NEBL: variants seen among roughly 807,000 people sequenced by gnomAD.
The protein encoded by NEBL is nebulette.
Under a neutral mutation model 140.2 loss-of-function variants are expected in NEBL, and 122 were observed. The ratio of observed to expected loss-of-function variants is 0.87; its 90% CI spans 0.75 to 1.01. NEBL has a LOEUF of 1.01. Ranked by LOEUF, NEBL falls within the 50% of genes least tolerant of loss-of-function variation. The pLI is 0.00. For missense variants in NEBL, 1,365 were observed against 1,231.3 expected, an observed-to-expected ratio of 1.11 and a Z score of -1.62; for synonymous variants, 436 against 398.9, an observed-to-expected ratio of 1.09 and a Z score of -1.11.
At chr10:21,169,837 A>G (rs1037943283) in intron 2 of NEBL, among the ~76,000 whole-genome samples, 1 of 152,240 alleles carries the variant, frequency 6.6e-6, no homozygotes, top group Non-Finnish European at 1.5e-5. Context: ...CTGGAATCAT[A>G]TGAGAAATTT....
At chr10:21,114,753 C>T (rs1249756385) in intron 2 of NEBL, among the ~76,000 whole-genome samples, 2 of 151,820 alleles carry the variant, frequency 1.3e-5, no homozygotes, top group African/African-American at 4.8e-5. Context: ...TATCTTTTTC[C>T]GTCCTTTAAC....
chr10:20,925,196 A>G (rs1203450505), intron 4 of NEBL, among the ~76,000 whole-genome samples: 2 of 152,188 alleles, frequency 1.3e-5, no homozygotes, highest in African/African-American at 2.4e-5. Flanking sequence ...ATATACATGC[A>G]TATATGCATG....
At chr10:20,941,743 C>T (rs1219717829) in intron 4 of NEBL, among the ~76,000 whole-genome samples, 2 of 152,110 alleles carry the variant, frequency 1.3e-5, no homozygotes, top group Non-Finnish European at 2.9e-5. Flanking sequence ...AGCAAAGTCT[C>T]AGGATACAAA....
intron 2 of NEBL, among the ~76,000 whole-genome samples, chr10:21,123,474 G>T (rs1026721741): frequency 6.6e-6 from 1 of 152,022 alleles, no homozygotes; most frequent in Non-Finnish European, 1.5e-5. Context: ...TCAGTAAAAA[G>T]CTCACTAAGT....
At chr10:21,160,467 C>A (rs1308026962) in intron 2 of NEBL, among the ~76,000 whole-genome samples, 3 of 152,212 alleles carry the variant, frequency 2.0e-5, no homozygotes, top group African/African-American at 7.2e-5. Flanking sequence ...TGAGGAAGAA[C>A]TGTTCTAATA....
intron 4 of NEBL, among the ~76,000 whole-genome samples, chr10:20,936,400 C>T (rs1384177376): frequency 6.6e-6 from 1 of 152,184 alleles, no homozygotes; most frequent in African/African-American, 2.4e-5. Flanking sequence ...GCCTAACAGG[C>T]TATTGCAAAT....
chr10:21,079,268 A>G (rs1836256924), intron 2 of NEBL, among the ~76,000 whole-genome samples: 1 of 152,216 alleles, frequency 6.6e-6, no homozygotes. Context: ...GAAAATGAGG[A>G]GGTGAAGAGG....
chr10:21,221,026 T>C (rs1410276235), intron 3 of NEBL, among the ~76,000 whole-genome samples: 1 of 152,070 alleles, frequency 6.6e-6, no homozygotes, highest in Non-Finnish European at 1.5e-5. Context: ...CGTAGTGGCA[T>C]GCACCTGGAG....
rs10764291 is a variant in NEBL, at chr10:20,918,619, C to A, written c.357+43053G>T. On this transcript the variant is annotated intron_variant, in intron 4 of 6. Coordinates refer to the NEBL transcript ENST00000417816. ...TAATCCCAGCACTTTGGGAGGCCGA[C>A]GGGGGCAGATCAAGGTCAGGAGATC... 3.3e-5 allele frequency among the ~76,000 whole-genome samples: 5 copies of A among 152,030 alleles called. No individual in the cohort carries two copies. The South Asian group carries it at 8.3e-4, about 25-fold the overall frequency.
intron 2 of NEBL, among the ~76,000 whole-genome samples, chr10:21,126,890 G>A (rs542256577): frequency 4.1e-4 from 61 of 149,770 alleles, no homozygotes; most frequent in East Asian, 2.2e-3. Flanking sequence ...CAGGGGAATC[G>A]CTTGAACCCA....
At chr10:20,920,366 G>A (rs1476590951) in intron 4 of NEBL, among the ~76,000 whole-genome samples, 1 of 152,182 alleles carries the variant, frequency 6.6e-6, no homozygotes, top group Non-Finnish European at 1.5e-5. Context: ...TACAATACTA[G>A]CAATAGCAAA....
intron 4 of NEBL, 127 bp downstream of exon 4, chr10:20,887,970 A>G: frequency 1.4e-6 from 1 of 724,868 alleles, no homozygotes; most frequent in South Asian, 1.5e-5. Flanking sequence ...CACATTAATC[A>G]GTTGCTTTCA....
intron 3 of NEBL, among the ~76,000 whole-genome samples, chr10:21,209,138 AG>A (rs1413947592): frequency 6.6e-6 from 1 of 152,142 alleles, no homozygotes; most frequent in Non-Finnish European, 1.5e-5. Context: ...CCCAAATTCC[AG>A]GCAGGGGAAA....
At chr10:20,989,867 A>G (rs1053375607) in intron 3 of NEBL, among the ~76,000 whole-genome samples, 9 of 152,202 alleles carry the variant, frequency 5.9e-5, no homozygotes, top group Admixed American at 5.9e-4. Context: ...AAGAGTCAGT[A>G]AATTCAAATG....
At chr10:21,269,465 ATCT>A (rs1842835639) in intron 1 of NEBL, among the ~76,000 whole-genome samples, 1 of 152,184 alleles carries the variant, frequency 6.6e-6, no homozygotes, top group African/African-American at 2.4e-5. Flanking sequence ...AGTTGCTTTT[ATCT>A]TCTTCGCACT....
Position 20,924,438 on chromosome 10 carries a change from A to AG in NEBL, c.357+37233dup, listed in dbSNP as rs1554807407. ...TAAAAAAAAAAAAAAAAAAAAAAAA[A>AG]GGCTACACCTTTCCTTTGCTTTGCA... On this transcript the variant is annotated intron_variant, in intron 4 of 6. Transcript: ENST00000417816. 2.4e-3 allele frequency among the ~76,000 whole-genome samples: 355 copies of AG among 147,432 alleles called. 2 individuals carry two copies. The highest frequency in any genetic ancestry group is 7.5e-3 in the African/African-American group (295 of 39,538).
intron 4 of NEBL, among the ~76,000 whole-genome samples, chr10:20,936,592 TC>T (rs1463542548): frequency 6.6e-6 from 1 of 152,222 alleles, no homozygotes; most frequent in Non-Finnish European, 1.5e-5. Flanking sequence ...AGAGCTTAAA[TC>T]CAAGGGACAG....
intron 1 of NEBL, among the ~76,000 whole-genome samples, chr10:21,279,994 C>G (rs185787278): frequency 8.5e-5 from 13 of 152,066 alleles, no homozygotes; most frequent in African/African-American, 2.9e-4. Context: ...TACTTTATTG[C>G]CCAAACTCTA....
chr10:21,081,468 T>G (rs1836365908), intron 2 of NEBL, among the ~76,000 whole-genome samples: 2 of 152,108 alleles, frequency 1.3e-5, no homozygotes, highest in South Asian at 4.1e-4. Context: ...AAACTGAAGG[T>G]GGAGATATTG....
Sources: gnomAD v4.1 joint callset for allele counts (sites outside exome capture counted in the v4.1 genomes callset) on GRCh38, gnomAD v4.1.1 for gene constraint, MANE v1.5 for transcripts, NCBI Gene and HGNC (gene_info 2026-07-23, HGNC 2026-07-21) for gene names.